The following ANKRD17 variants were observed in gnomAD, a reference collection of about 807,000 sequenced individuals.
The protein encoded by ANKRD17 is ankyrin repeat domain 17, also known as ankyrin repeat domain-containing protein 17.
A neutral mutation model predicts 229.7 loss-of-function variants in ANKRD17; 19 were observed. That is an observed-to-expected ratio of 0.08 (90% CI 0.06 to 0.12). The LOEUF (loss-of-function observed/expected upper bound fraction) is 0.12, where lower values mean the gene tolerates loss of function less well. Ranked by LOEUF, ANKRD17 falls within the 10% of genes least tolerant of loss-of-function variation. The pLI is 1.00. For missense variants in ANKRD17, 2,176 were observed against 3,176.8 expected (o/e 0.68, Z 7.57); for synonymous variants, 1,112 against 1,146.1 (o/e 0.97, Z 0.60).
chr4:73,077,548 A>G lies in ANKRD17; in HGVS notation c.7409-15T>C. On this transcript the variant is annotated splice_polypyrimidine_tract_variant and intron_variant, in intron 31 of 33. Transcript: ENST00000358602. Reference sequence around the variant, plus strand: ...GTCTACTTTGTCTGAGGGCAAACAAAGAGGCAAAACAAAAATAGATAATAT... The same window carrying G: ...GTCTACTTTGTCTGAGGGCAAACAAGGAGGCAAAACAAAAATAGATAATAT... The G allele has an allele frequency of 6.5e-7, 1 of 1,541,444 alleles. No homozygotes were observed. Among genetic ancestry groups the G allele is most frequent in the South Asian group, 1.2e-5 (1 of 80,060 alleles).
intron 1 of ANKRD17, among the ~76,000 whole-genome samples, chr4:73,218,246 A>T (rs747110011): frequency 1.3e-5 from 2 of 152,230 alleles, no homozygotes; most frequent in Non-Finnish European, 2.9e-5. Flanking sequence ...TTTTAAGTCC[A>T]CTGCTGAAAA....
At chr4:73,101,463 G>C (rs1164949504) in intron 25 of ANKRD17, among the ~76,000 whole-genome samples, 2 of 152,022 alleles carry the variant, frequency 1.3e-5, no homozygotes, top group Non-Finnish European at 2.9e-5. Context: ...TCAGGAGTTA[G>C]AGGCTAGCCT....
intron 1 of ANKRD17, among the ~76,000 whole-genome samples, chr4:73,209,264 AAATGAAAATCAAC>A (rs1739936267): frequency 6.6e-6 from 1 of 152,180 alleles, no homozygotes; most frequent in Non-Finnish European, 1.5e-5. Context: ...CAGTGACACA[AAATGAAAATCAAC>A]TGAAAATTTA....
In ANKRD17 at chr4:73,077,011, C is replaced by A. The variant is rs1278445599; in HGVS notation, c.7681G>T (p.Ala2561Ser). 6.2e-7 allele frequency: 1 copy of A among 1,613,592 alleles called. No individual in the cohort carries two copies. Among genetic ancestry groups the A allele is most frequent in the Non-Finnish European group, 8.5e-7 (1 of 1,179,834 alleles). ...AGGPIFNGPH[A>S]ADPSWNSLIK... is the part of the protein sequence containing the mutation. ...AGTGAGTTCCAAGAAGGGTCTGCAG[C>A]ATGAGGGCCATTAAATATGGGTCCT... Residue 2561 changes from alanine to serine, a missense_variant, in exon 33 of 34, where the codon GCT (alanine) becomes TCT (serine). Ala to Ser is a moderately conservative substitution (Grantham distance 99). Around this residue, in one of 18 missense-constraint regions of ANKRD17, gnomAD observed 159 missense variants for 214.3 expected, o/e 0.74. Coordinates refer to ENST00000358602, the MANE Select transcript of ANKRD17 (RefSeq NM_032217.5).
At chr4:73,109,565 T>A (rs560155108) in intron 24 of ANKRD17, among the ~76,000 whole-genome samples, 1 of 152,208 alleles carries the variant, frequency 6.6e-6, no homozygotes, top group Non-Finnish European at 1.5e-5. Flanking sequence ...GTGCTGGAGT[T>A]CCTAGGATAA....
intron 1 of ANKRD17, among the ~76,000 whole-genome samples, chr4:73,189,408 T>TG (rs1736738123): frequency 1.4e-5 from 2 of 140,720 alleles, no homozygotes; most frequent in South Asian, 4.8e-4. Context: ...GGAATGTTTT[T>TG]TTTTTTTTTT....
intron 18 of ANKRD17, among the ~76,000 whole-genome samples, chr4:73,122,549 A>G (rs1012849824): frequency 2.0e-5 from 3 of 152,142 alleles, no homozygotes; most frequent in Admixed American, 6.6e-5. Flanking sequence ...TGCCTAAACA[A>G]TCCTTTGACA....
intron 2 of ANKRD17, among the ~76,000 whole-genome samples, chr4:73,173,171 T>G (rs1287543991): frequency 6.6e-6 from 1 of 152,120 alleles, no homozygotes; most frequent in Non-Finnish European, 1.5e-5. Flanking sequence ...ATACTTACAT[T>G]GCACAAAATA....
intron 6 of ANKRD17, among the ~76,000 whole-genome samples, chr4:73,153,623 C>T (rs1221607645): frequency 1.3e-5 from 2 of 152,106 alleles, no homozygotes; most frequent in African/African-American, 4.8e-5. Flanking sequence ...TTATACAGTT[C>T]ATATTAAAAG....
At position 73,208,593 on chromosome 4, in the gene ANKRD17, G is replaced by A. The variant is rs575457654; in HGVS notation, c.394-31060C>T. On this transcript the variant is annotated intron_variant, in intron 1 of 33. Coordinates refer to ENST00000358602, the MANE Select transcript of ANKRD17 (RefSeq NM_032217.5). Reference sequence around the variant, plus strand: ...AGTACCATAATACAGCACAAGCACAGGAGAGAATAGAGTGACTAACAGCCT... The same window carrying A: ...AGTACCATAATACAGCACAAGCACAAGAGAGAATAGAGTGACTAACAGCCT... Among the ~76,000 whole-genome samples the A allele has an allele frequency of 2.0e-5, 3 of 152,288 alleles. No individual in the cohort carries two copies. In the South Asian group the frequency reaches 6.2e-4, roughly 32 times the overall value.
intron 1 of ANKRD17, among the ~76,000 whole-genome samples, chr4:73,219,119 T>C (rs750261991): frequency 6.6e-6 from 1 of 152,196 alleles, no homozygotes; most frequent in Non-Finnish European, 1.5e-5. Flanking sequence ...CCAAAACTTC[T>C]TGATGAATGG....
chr4:73,254,878 A>G (rs567222838), intron 1 of ANKRD17, among the ~76,000 whole-genome samples: 2 of 152,372 alleles, frequency 1.3e-5, no homozygotes, highest in African/African-American at 4.8e-5. Context: ...TCTTGAAATT[A>G]TAAGATTTTT....
intron 1 of ANKRD17, among the ~76,000 whole-genome samples, chr4:73,188,702 C>T (rs1403847638): frequency 6.6e-6 from 1 of 151,678 alleles, no homozygotes. Context: ...CAAAATGCAT[C>T]AACATAATTT....
At chr4:73,240,809 T>C (rs1419149430) in intron 1 of ANKRD17, among the ~76,000 whole-genome samples, 1 of 145,862 alleles carries the variant, frequency 6.9e-6, no homozygotes, top group Non-Finnish European at 1.5e-5. Flanking sequence ...ACTTATTCTT[T>C]TTTTTTTTTT....
chr4:73,083,821 T>C (rs918894629), intron 30 of ANKRD17, among the ~76,000 whole-genome samples: 11 of 152,268 alleles, frequency 7.2e-5, no homozygotes, highest in African/African-American at 2.4e-4. Flanking sequence ...ACTGGCAATG[T>C]ACTCTGACAT....
At position 73,161,278 on chromosome 4, in the gene ANKRD17, C is replaced by T. The variant is rs770253055; in HGVS notation, c.618G>A (p.Ser206=). 6.8e-6 allele frequency: 11 copies of T among 1,614,146 alleles called. No individual in the cohort carries two copies. The highest frequency in any genetic ancestry group is 6.7e-5 in the African/African-American group (5 of 74,944). ...ADPEVLRRLT[S]SVSCALDEAA... ...CTTCATCCAACGCACAACTAACAGACGATGTCAACCTCCGAAGTACTTCAG... is the reference window on the plus strand; with the variant it reads ...CTTCATCCAACGCACAACTAACAGATGATGTCAACCTCCGAAGTACTTCAG... Residue 206 remains serine (S), a synonymous_variant, in exon 3 of 34, where the codon TCG becomes TCA. Coordinates refer to ENST00000358602, the MANE Select transcript of ANKRD17 (RefSeq NM_032217.5).
At chr4:73,096,193 C>CT (rs1723279763) in intron 27 of ANKRD17, among the ~76,000 whole-genome samples, 2 of 152,290 alleles carry the variant, frequency 1.3e-5, no homozygotes, top group African/African-American at 4.8e-5. Flanking sequence ...CCTAACAACT[C>CT]TTTTTAACCT....
Position 73,125,014 on chromosome 4 carries a change from C to T in ANKRD17, c.3391G>A (p.Val1131Ile). 2 of 1,614,214 alleles carry T rather than the reference C, an allele frequency of 1.2e-6. No homozygotes were observed. Among genetic ancestry groups the T allele is most frequent in the Non-Finnish European group, 1.7e-6 (2 of 1,180,038 alleles). Residue 1131 changes from valine (V) to isoleucine (I), a missense_variant, in exon 18 of 34, where the codon GTT becomes ATT. Physicochemically the swap from Val to Ile is conservative, Grantham distance 29. Transcript: ENST00000358602. Reference sequence around the variant, plus strand: ...CCATTGTCCAGCAATATTTCCACAACACCAACATGACCAGCTGTGGCAGCC... The same window carrying T: ...CCATTGTCCAGCAATATTTCCACAATACCAACATGACCAGCTGTGGCAGCC... ...ILAATAGHVGVVEILLDNGAD... is the reference protein window; with the variant it reads ...ILAATAGHVGIVEILLDNGAD...
intron 1 of ANKRD17, among the ~76,000 whole-genome samples, chr4:73,220,454 C>T (rs1741700029): frequency 6.6e-6 from 1 of 152,020 alleles, no homozygotes; most frequent in Admixed American, 6.6e-5. Flanking sequence ...AGTTGAAATC[C>T]ACCTTTTCTA....
Sources: allele counts gnomAD v4.1 joint callset (sites outside exome capture counted in the v4.1 genomes callset), GRCh38; gene constraint gnomAD v4.1.1; regional missense constraint gnomAD v4.1.1; transcripts MANE v1.5; gene names NCBI Gene and HGNC (gene_info 2026-07-23, HGNC 2026-07-21).